The following RTTN variants were observed in gnomAD, a reference collection of about 807,000 sequenced individuals.
The protein encoded by RTTN is rotatin.
In RTTN, 182 loss-of-function variants were observed where a neutral mutation model predicts 269.2. That is an observed-to-expected ratio of 0.68 (90% CI 0.60 to 0.76). The LOEUF (loss-of-function observed/expected upper bound fraction) is 0.76, where lower values mean the gene tolerates loss of function less well. Ranked by LOEUF, RTTN falls within the 30% of genes least tolerant of loss-of-function variation. The probability of loss-of-function intolerance (pLI) is 0.00; values close to 1 mark genes in which losing one functional copy is unlikely to be tolerated. For missense variants in RTTN, 2,545 were observed against 2,608.6 expected (o/e 0.98, Z 0.53); for synonymous variants, 1,006 against 963.5 (o/e 1.04, Z -0.82).
chr18:70,020,908 A>T (rs1187320086), intron 44 of RTTN, 91 bp from the exon 45 acceptor site: 2 of 1,057,590 alleles, frequency 1.9e-6, no homozygotes, highest in Non-Finnish European at 2.8e-6. Context: ...TGTCTAACAA[A>T]ATGACTAGGC....
At chr18:70,058,514 G>A (rs1275856033) in intron 36 of RTTN, among the ~76,000 whole-genome samples, 1 of 152,050 alleles carries the variant, frequency 6.6e-6, no homozygotes, top group African/African-American at 2.4e-5. Flanking sequence ...GTGAAACTCC[G>A]TCTCAAAATA....
At chr18:70,176,252 T>C (rs1301587713) in intron 11 of RTTN, among the ~76,000 whole-genome samples, 3 of 144,312 alleles carry the variant, frequency 2.1e-5, no homozygotes, top group Non-Finnish European at 3.0e-5. Context: ...TATGTATATG[T>C]ATATGTATAG....
Position 70,048,019 on chromosome 18 carries a change from A to C in RTTN, c.5493T>G (p.Ser1831=), listed in dbSNP as rs1466746445. ...SPTVASLLDD[S]QENQKSLEQL... is the part of the protein sequence containing the mutation. Reference sequence around the variant, plus strand: ...GTTCTAGAGATTTCTGATTTTCCTGAGAGTCATCAAGAAGTGAAGCCACTG... The same window carrying C: ...GTTCTAGAGATTTCTGATTTTCCTGCGAGTCATCAAGAAGTGAAGCCACTG... The change falls in exon 40 of 49, where the codon TCT becomes TCG. Residue 1831 remains serine, a synonymous_variant. Coordinates refer to ENST00000640769, the MANE Select transcript of RTTN (RefSeq NM_173630.4). The C allele has an allele frequency of 2.4e-5, 38 of 1,614,024 alleles. No individual in the cohort carries two copies. In the East Asian group the frequency reaches 8.5e-4, roughly 36 times the overall value.
intron 21 of RTTN, among the ~76,000 whole-genome samples, chr18:70,137,648 C>T (rs2060155943): frequency 6.6e-6 from 1 of 152,100 alleles, no homozygotes; most frequent in African/African-American, 2.4e-5. Context: ...CACACAACCA[C>T]GGCTCCATCT....
At chr18:70,149,849 C>A (rs899505155) in intron 16 of RTTN, 122 bp downstream of exon 16, 7 of 735,214 alleles carry the variant, frequency 9.5e-6, no homozygotes, top group African/African-American at 8.9e-5. Flanking sequence ...TTATCCCCAG[C>A]GCCTTCACAG....
intron 44 of RTTN, among the ~76,000 whole-genome samples, chr18:70,022,861 G>A (rs1188651641): frequency 1.3e-5 from 2 of 151,694 alleles, no homozygotes; most frequent in African/African-American, 4.8e-5. Flanking sequence ...TCCAAATGTT[G>A]ATGTGCCTCA....
chr18:70,152,878 T>C (rs2060575185), intron 14 of RTTN, among the ~76,000 whole-genome samples: 1 of 152,184 alleles, frequency 6.6e-6, no homozygotes, highest in South Asian at 2.1e-4. Context: ...AGAAAGATCA[T>C]CAGATCACGT....
rs2058619427 is a variant in RTTN, at chr18:70,083,261, G to A, written c.4374+3352C>T. On this transcript the variant is annotated intron_variant, in intron 32 of 48. Coordinates refer to ENST00000640769, the MANE Select transcript of RTTN (RefSeq NM_173630.4). Reference sequence around the variant, plus strand: ...CTTCCAGTATGCTTCTGCATCCACAGAAAAATAAAAGGGGACTTATGCTAT... The same window carrying A: ...CTTCCAGTATGCTTCTGCATCCACAAAAAAATAAAAGGGGACTTATGCTAT... Among the ~76,000 whole-genome samples the A allele has an allele frequency of 2.6e-5, 4 of 152,052 alleles. 1 individual carries two copies. The South Asian group carries it at 8.3e-4, about 32-fold the overall frequency.
At chr18:70,037,713 T>A (rs4891388) in intron 40 of RTTN, among the ~76,000 whole-genome samples, 1 of 152,012 alleles carries the variant, frequency 6.6e-6, no homozygotes, top group South Asian at 2.1e-4. Flanking sequence ...AAGACTCCTT[T>A]TGTTTGAGAA....
intron 40 of RTTN, among the ~76,000 whole-genome samples, chr18:70,032,032 G>A (rs1367420836): frequency 6.6e-6 from 1 of 152,196 alleles, no homozygotes; most frequent in Admixed American, 6.5e-5. Flanking sequence ...AGCTGCTTAG[G>A]GAAGCAGTGG....
chr18:70,022,744 C>T (rs1256653937), intron 44 of RTTN, among the ~76,000 whole-genome samples: 1 of 152,184 alleles, frequency 6.6e-6, no homozygotes, highest in Non-Finnish European at 1.5e-5. Context: ...CAATAGCATT[C>T]CACACAACTG....
At position 70,131,820 on chromosome 18, in the gene RTTN, T is replaced by C. The variant is rs530118185; in HGVS notation, c.2954+2653A>G. 9.3e-5 allele frequency: 14 copies of C among 151,174 alleles called. 1 individual carries two copies. The South Asian group carries it at 2.3e-3, about 25-fold the overall frequency. The allele number at this position is 151,174 out of a possible 1,614,324, so 9.4% of individuals were successfully genotyped here. On this transcript the variant is annotated intron_variant, in intron 23 of 48. Transcript: ENST00000640769. Reference sequence around the variant, plus strand: ...AAAACCACATTGGACAAATAGAAAATAGCAAGCTAATAATCTGTATCCAAA... The same window carrying C: ...AAAACCACATTGGACAAATAGAAAACAGCAAGCTAATAATCTGTATCCAAA...
At chr18:70,069,760 CA>C (rs1055068563) in intron 34 of RTTN, among the ~76,000 whole-genome samples, 2 of 151,568 alleles carry the variant, frequency 1.3e-5, no homozygotes, top group African/African-American at 4.9e-5. Context: ...GTACTGGTGC[CA>C]AAAAAGTTTA....
intron 9 of RTTN, 75 bp downstream of exon 9, chr18:70,190,462 GA>G: frequency 3.4e-6 from 4 of 1,175,912 alleles, no homozygotes; most frequent in Non-Finnish European, 4.9e-6. Flanking sequence ...ACATAGAAGA[GA>G]AAAAAAGGAA....
At chr18:70,114,743 G>T in intron 26 of RTTN, 144 bp from the exon 27 acceptor site, 1 of 466,828 alleles carries the variant, frequency 2.1e-6, no homozygotes, top group Non-Finnish European at 3.7e-6. Context: ...TAGTAGAGAT[G>T]TTCTAAATTC....
At chr18:70,075,238 A>G in intron 33 of RTTN, 114 bp downstream of exon 33, 1 of 683,246 alleles carries the variant, frequency 1.5e-6, no homozygotes, top group Non-Finnish European at 2.3e-6. Flanking sequence ...CTGGAAATGA[A>G]TGTTTTCCCT....
At chr18:70,159,053 A>C (rs2060758534) in intron 14 of RTTN, among the ~76,000 whole-genome samples, 1 of 152,174 alleles carries the variant, frequency 6.6e-6, no homozygotes, top group Admixed American at 6.5e-5. Context: ...ACTAACAAAA[A>C]TAGTTGGGAC....
chr18:70,200,583 G>A lies in RTTN; in HGVS notation c.488-1079C>T, dbSNP rs541612432. 2.3e-4 allele frequency among the ~76,000 whole-genome samples: 35 copies of A among 152,288 alleles called. 1 individual carries two copies. In the South Asian group the frequency reaches 5.0e-3, roughly 22 times the overall value. On this transcript the variant is annotated intron_variant, in intron 4 of 48. Coordinates refer to ENST00000640769, the MANE Select transcript of RTTN (RefSeq NM_173630.4). ...GAATGAAAAGGTAAAGTATTCTAAT[G>A]GCTTAACAAGTTTTCAGTTCTTTCT...
intron 46 of RTTN, among the ~76,000 whole-genome samples, chr18:70,010,729 A>G (rs559529131): frequency 6.6e-6 from 1 of 152,340 alleles, no homozygotes; most frequent in South Asian, 2.1e-4. Context: ...ACAAGAAATA[A>G]CTAAGATCAG....
Sources: gnomAD v4.1 joint callset for allele counts (sites outside exome capture counted in the v4.1 genomes callset) on GRCh38, gnomAD v4.1.1 for gene constraint, MANE v1.5 for transcripts, NCBI Gene and HGNC (gene_info 2026-07-23, HGNC 2026-07-21) for gene names.